SLC30A8: variants seen among roughly 807,000 people sequenced by gnomAD.
SLC30A8 encodes solute carrier family 30 member 8.
In SLC30A8, 27 loss-of-function variants were observed where a neutral mutation model predicts 36.9. The observed-to-expected ratio is 0.73, with a 90% CI of 0.54 to 1.01. SLC30A8 has a LOEUF of 1.01. Ranked by LOEUF, SLC30A8 falls within the 50% of genes least tolerant of loss-of-function variation. The pLI, the probability that SLC30A8 is intolerant of heterozygous loss-of-function variation, is 0.00. For missense variants in SLC30A8, 439 were observed against 452.0 expected (o/e 0.97, Z 0.26); for synonymous variants, 164 against 172.4 (o/e 0.95, Z 0.38).
intron 2 of SLC30A8, among the ~76,000 whole-genome samples, chr8:117,101,930 C>G (rs566242578): frequency 3.3e-5 from 5 of 152,216 alleles, no homozygotes; most frequent in Non-Finnish European, 7.4e-5. Flanking sequence ...AATAAACTCC[C>G]CTTTATATAT....
chr8:116,975,721 T>C (rs1445434253), intron 1 of SLC30A8, among the ~76,000 whole-genome samples: 1 of 152,192 alleles, frequency 6.6e-6, no homozygotes, highest in Non-Finnish European at 1.5e-5. Flanking sequence ...ATGGAAAGAA[T>C]TGAAGCTGTG....
At chr8:116,971,196 G>GCAAACCA (rs1484262756) in intron 1 of SLC30A8, among the ~76,000 whole-genome samples, 2 of 152,018 alleles carry the variant, frequency 1.3e-5, no homozygotes, top group African/African-American at 4.8e-5. Context: ...GATAGGTGCA[G>GCAAACCA]CAAACCACCA....
intron 1 of SLC30A8, among the ~76,000 whole-genome samples, chr8:117,015,223 C>T (rs1340047148): frequency 2.0e-5 from 3 of 152,088 alleles, no homozygotes; most frequent in African/African-American, 7.2e-5. Flanking sequence ...ATATGTTCTA[C>T]ACCACATAGA....
chr8:117,025,763 C>G (rs1242903399), intron 1 of SLC30A8, among the ~76,000 whole-genome samples: 1 of 152,200 alleles, frequency 6.6e-6, no homozygotes, highest in African/African-American at 2.4e-5. Context: ...TAATAGCAAT[C>G]AGTACCTGCC....
chr8:117,016,781 G>A (rs976158217), intron 1 of SLC30A8, among the ~76,000 whole-genome samples: 1 of 152,150 alleles, frequency 6.6e-6, no homozygotes, highest in South Asian at 2.1e-4. Context: ...GAGGGTAGAC[G>A]CTTAAGACAG....
chr8:117,025,672 A>G (rs953836966), intron 1 of SLC30A8, among the ~76,000 whole-genome samples: 16 of 152,082 alleles, frequency 1.1e-4, no homozygotes, highest in Non-Finnish European at 2.2e-4. Flanking sequence ...TTGATCCTAT[A>G]TCTCTAGGGC....
chr8:117,123,515 A>T (rs1168662820), intron 2 of SLC30A8, among the ~76,000 whole-genome samples: 2 of 152,048 alleles, frequency 1.3e-5, no homozygotes, highest in Non-Finnish European at 2.9e-5. Context: ...TGGAAATAAA[A>T]GTTTGTGAGA....
intron 1 of SLC30A8, among the ~76,000 whole-genome samples, chr8:116,967,682 G>A (rs138120459): frequency 2.0e-5 from 3 of 152,294 alleles, no homozygotes; most frequent in East Asian, 1.9e-4. Flanking sequence ...TTACGGTGGC[G>A]TGTAAGTTTG....
At chr8:116,979,447 G>A (rs186395763) in intron 1 of SLC30A8, among the ~76,000 whole-genome samples, 9 of 152,198 alleles carry the variant, frequency 5.9e-5, no homozygotes, top group East Asian at 5.8e-4. Context: ...TTTCCCTGTC[G>A]TTGGCTTCCA....
In SLC30A8 at chr8:117,163,422, TAGCCAG is replaced by T; in HGVS notation, c.724_729del (p.Pro242_Glu243del). 6.2e-7 allele frequency: 1 copy of T among 1,608,220 alleles called. No individual in the cohort carries two copies. Among genetic ancestry groups the T allele is most frequent in the Admixed American group, 1.7e-5 (1 of 59,112 alleles). ...TAACCAAAATCCCTGTTTTTTTTTC[TAGCCAG>T]AGTATAAAATAGCCGACCCAATCTG... is the stretch of plus-strand genomic sequence containing the variant. On this transcript the variant is annotated splice_acceptor_variant and coding_sequence_variant, in exon 6 of 8. Transcript: ENST00000456015. LOFTEE classifies it high-confidence loss of function.
intron 1 of SLC30A8, among the ~76,000 whole-genome samples, chr8:117,021,897 A>G (rs1187051690): frequency 6.6e-6 from 1 of 152,166 alleles, no homozygotes; most frequent in Non-Finnish European, 1.5e-5. Context: ...GCTGCTGCAG[A>G]GTAATGGGGA....
intron 3 of SLC30A8, 44 bp from the exon 4 acceptor site, chr8:117,157,647 G>A: frequency 1.2e-6 from 2 of 1,608,428 alleles, no homozygotes; most frequent in Non-Finnish European, 1.7e-6. Context: ...TGTAGGTGAT[G>A]GAGTTATCTG....
intron 1 of SLC30A8, among the ~76,000 whole-genome samples, chr8:116,985,880 G>A (rs1370186716): frequency 2.6e-5 from 4 of 152,118 alleles, no homozygotes; most frequent in Non-Finnish European, 4.4e-5. Context: ...AGTTATCAAG[G>A]AACACAGTTT....
At chr8:117,129,224 G>A (rs2130919220) in intron 2 of SLC30A8, among the ~76,000 whole-genome samples, 1 of 152,174 alleles carries the variant, frequency 6.6e-6, no homozygotes, top group African/African-American at 2.4e-5. Context: ...TGTTTGAGCA[G>A]ACAATGAATC....
chr8:117,160,403 T>TTGTGTGTGTGTGTGTGTG (rs71569723), intron 4 of SLC30A8, among the ~76,000 whole-genome samples: 2 of 145,810 alleles, frequency 1.4e-5, no homozygotes, highest in South Asian at 4.5e-4. Flanking sequence ...AATTTTCCAC[T>TTGTGTGTGTGTGTGTGTG]TGTGTGTGTG....
In SLC30A8 at chr8:117,027,186, A is replaced by G. The variant is rs369044323; in HGVS notation, c.-265-12033A>G. 4.2e-4 allele frequency among the ~76,000 whole-genome samples: 64 copies of G among 152,238 alleles called. No individual in the cohort carries two copies. The South Asian group carries it at 0.013, about 31-fold the overall frequency. On this transcript the variant is annotated intron_variant, in intron 1 of 10. Transcript: ENST00000427715. ...ACTGAAAGGGCATGTGTTTGGCGAC[A>G]GGGATAGAAAGTTGAATACAGGGAG...
chr8:116,965,046 C>T (rs892692284), intron 1 of SLC30A8, among the ~76,000 whole-genome samples: 5 of 152,194 alleles, frequency 3.3e-5, no homozygotes, highest in Non-Finnish European at 7.3e-5. Flanking sequence ...AAGTGATTCT[C>T]CTGCCTCTGC....
At chr8:117,057,894 G>C (rs1292256463) in intron 2 of SLC30A8, among the ~76,000 whole-genome samples, 1 of 152,032 alleles carries the variant, frequency 6.6e-6, no homozygotes, top group Non-Finnish European at 1.5e-5. Flanking sequence ...CATTTCCTTT[G>C]GATATATACC....
chr8:117,066,688 CATA>C (rs1818180790), intron 2 of SLC30A8, among the ~76,000 whole-genome samples: 1 of 152,044 alleles, frequency 6.6e-6, no homozygotes, highest in South Asian at 2.1e-4. Flanking sequence ...CCAATCATCT[CATA>C]GTGCTAGGAC....
Sources: allele counts gnomAD v4.1 joint callset (sites outside exome capture counted in the v4.1 genomes callset), GRCh38; gene constraint gnomAD v4.1.1; transcripts MANE v1.5; gene names NCBI Gene and HGNC (gene_info 2026-07-23, HGNC 2026-07-21).